Variants in PCDH9 observed in about 807,000 individuals in gnomAD.
The protein encoded by PCDH9 is protocadherin-9.
In PCDH9, 24 loss-of-function variants were observed where a neutral mutation model predicts 70.6. That is an observed-to-expected ratio of 0.34 (90% CI 0.25 to 0.48). PCDH9 has a LOEUF of 0.48. Among genes scored for constraint, PCDH9 ranks in the 20% least tolerant of loss-of-function variants. The probability of loss-of-function intolerance (pLI) is 0.99; values close to 1 mark genes in which losing one functional copy is unlikely to be tolerated. For missense variants in PCDH9, 1,281 were observed against 1,503.6 expected (o/e 0.85, Z 2.45); for synonymous variants, 562 against 558.5 (o/e 1.01, Z -0.09).
intron 4 of PCDH9, among the ~76,000 whole-genome samples, chr13:66,460,370 T>C (rs1404764682): frequency 6.6e-6 from 1 of 151,934 alleles, no homozygotes; most frequent in East Asian, 1.9e-4. Flanking sequence ...TAGAAACTCA[T>C]GCAGGAATGA....
chr13:66,761,458 C>G (rs544088851), intron 3 of PCDH9, among the ~76,000 whole-genome samples: 49 of 152,184 alleles, frequency 3.2e-4, no homozygotes, highest in African/African-American at 1.0e-3. Context: ...CTTCCTCCGC[C>G]CACTCTTGAA....
intron 2 of PCDH9, among the ~76,000 whole-genome samples, chr13:67,117,984 A>G (rs1253611161): frequency 6.6e-6 from 1 of 152,148 alleles, no homozygotes; most frequent in Non-Finnish European, 1.5e-5. Flanking sequence ...AAACAGTGTA[A>G]CATCGCTCCA....
intron 3 of PCDH9, among the ~76,000 whole-genome samples, chr13:66,814,273 C>T (rs900231408): frequency 2.6e-5 from 4 of 152,032 alleles, no homozygotes; most frequent in Admixed American, 1.3e-4. Flanking sequence ...CAAATAATCA[C>T]CATGGAAATT....
chr13:66,890,580 T>G (rs889666688), intron 3 of PCDH9, among the ~76,000 whole-genome samples: 5 of 151,828 alleles, frequency 3.3e-5, no homozygotes, highest in African/African-American at 1.2e-4. Flanking sequence ...CTCAAGTACC[T>G]GGAAGTCATC....
At chr13:66,659,440 G>A (rs2077975850) in intron 3 of PCDH9, among the ~76,000 whole-genome samples, 1 of 152,086 alleles carries the variant, frequency 6.6e-6, no homozygotes, top group Non-Finnish European at 1.5e-5. Flanking sequence ...AGTGCTCCAA[G>A]TCAGAATGAC....
chr13:66,999,206 T>C (rs190062757), intron 2 of PCDH9, among the ~76,000 whole-genome samples: 60 of 152,278 alleles, frequency 3.9e-4, no homozygotes, highest in African/African-American at 1.3e-3. Flanking sequence ...CCAGTTAAAA[T>C]GTCATTTAAT....
At chr13:66,490,838 G>A (rs1959022073) in intron 4 of PCDH9, among the ~76,000 whole-genome samples, 1 of 152,076 alleles carries the variant, frequency 6.6e-6, no homozygotes, top group South Asian at 2.1e-4. Context: ...TTTTCTCATA[G>A]GTAAAAGTTA....
intron 4 of PCDH9, among the ~76,000 whole-genome samples, chr13:66,479,221 C>A (rs566499567): frequency 4.7e-4 from 71 of 152,270 alleles, no homozygotes; most frequent in Non-Finnish European, 8.5e-4. Context: ...AAAAACATAT[C>A]CTTTCCAAAT....
chr13:66,542,369 T>A (rs1960996246), intron 4 of PCDH9, among the ~76,000 whole-genome samples: 1 of 152,138 alleles, frequency 6.6e-6, no homozygotes, highest in Non-Finnish European at 1.5e-5. Context: ...ATGAAGGTGT[T>A]TTATAGATGT....
chr13:66,849,187 C>T (rs1043563439), intron 3 of PCDH9, among the ~76,000 whole-genome samples: 9 of 151,894 alleles, frequency 5.9e-5, no homozygotes, highest in African/African-American at 1.9e-4. Context: ...GGTCATTTGA[C>T]CAATATTACT....
intron 4 of PCDH9, among the ~76,000 whole-genome samples, chr13:66,587,980 GC>G (rs763999067): frequency 3.8e-4 from 57 of 151,976 alleles, no homozygotes; most frequent in Non-Finnish European, 6.3e-4. Context: ...AGATATCTCT[GC>G]TGCTCCCTCC....
At chr13:66,519,235 A>G (rs1429576343) in intron 4 of PCDH9, among the ~76,000 whole-genome samples, 2 of 152,132 alleles carry the variant, frequency 1.3e-5, no homozygotes, top group East Asian at 3.9e-4. Context: ...AAATAAATTT[A>G]TATATAAAAA....
At chr13:66,604,503 T>C (rs1188657249) in intron 4 of PCDH9, among the ~76,000 whole-genome samples, 2 of 152,066 alleles carry the variant, frequency 1.3e-5, no homozygotes, top group African/African-American at 2.4e-5. Context: ...TTCAGGTACA[T>C]TTTAGATATT....
chr13:67,144,164 C>G (rs2087465577), intron 2 of PCDH9, among the ~76,000 whole-genome samples: 1 of 152,142 alleles, frequency 6.6e-6, no homozygotes, highest in African/African-American at 2.4e-5. Flanking sequence ...ATTCCCTTTC[C>G]TGGTGTTGCC....
At chr13:66,796,057 T>C (rs1027738831) in intron 3 of PCDH9, among the ~76,000 whole-genome samples, 1 of 152,122 alleles carries the variant, frequency 6.6e-6, no homozygotes, top group Non-Finnish European at 1.5e-5. Flanking sequence ...ATAGATAGTT[T>C]AGGATTTTGC....
intron 3 of PCDH9, among the ~76,000 whole-genome samples, chr13:66,730,486 GT>G: frequency 6.6e-6 from 1 of 151,978 alleles, no homozygotes; most frequent in Middle Eastern, 3.4e-3. Context: ...ACTTGCCTTT[GT>G]TTTGATCTGT....
chr13:67,016,842 T>C (rs1410084874), intron 2 of PCDH9, among the ~76,000 whole-genome samples: 1 of 152,218 alleles, frequency 6.6e-6, no homozygotes, highest in African/African-American at 2.4e-5. Context: ...ACTTAAGAAT[T>C]CACCATGTAA....
At chr13:66,452,958 TCATCCATCCATTCAGCCAGCCACC>T (rs931256201) in intron 4 of PCDH9, among the ~76,000 whole-genome samples, 8 of 151,940 alleles carry the variant, frequency 5.3e-5, no homozygotes, top group Non-Finnish European at 1.0e-4. Flanking sequence ...ATCCATCCAC[TCATCCATCCATTCAGCCAGCCACC>T]CATCCATCCA....
chr13:67,187,391 T>C (rs1857817606), intron 2 of PCDH9, among the ~76,000 whole-genome samples: 1 of 152,164 alleles, frequency 6.6e-6, no homozygotes, highest in Non-Finnish European at 1.5e-5. Context: ...GGATTTGATT[T>C]ATATAGTATG....
Sources: gnomAD v4.1 joint callset for allele counts (sites outside exome capture counted in the v4.1 genomes callset) on GRCh38, gnomAD v4.1.1 for gene constraint, MANE v1.5 for transcripts, NCBI Gene and HGNC (gene_info 2026-07-23, HGNC 2026-07-21) for gene names.